The following SH3D19 variants were observed in gnomAD, a reference collection of about 807,000 sequenced individuals.
SH3D19 encodes the protein SH3 domain containing 19.
A neutral mutation model predicts 112.1 loss-of-function variants in SH3D19; 58 were observed. That is an observed-to-expected ratio of 0.52 (90% CI 0.42 to 0.64). The LOEUF is 0.64. Ranked by LOEUF, SH3D19 falls within the 30% of genes least tolerant of loss-of-function variation. The probability of loss-of-function intolerance (pLI) is 0.00; values close to 1 mark genes in which losing one functional copy is unlikely to be tolerated. For missense variants in SH3D19, 1,090 were observed against 1,263.4 expected, an observed-to-expected ratio of 0.86 and a Z score of 2.08; for synonymous variants, 391 against 448.5, an observed-to-expected ratio of 0.87 and a Z score of 1.62.
At position 151,174,947 on chromosome 4, in the gene SH3D19, G is replaced by A. The variant is rs1006746814; in HGVS notation, c.1257C>T (p.Ala419=). 1 of 1,613,944 alleles carries A rather than the reference G, an allele frequency of 6.2e-7. No homozygotes were observed. Among genetic ancestry groups the A allele is most frequent in the African/African-American group, 1.3e-5 (1 of 74,902 alleles). ...ATTTCTTCAGCAGCAAAGGCCGCGGGGCAGGAGTTGGCACTTTCTTCCCAC... is the reference window on the plus strand; with the variant it reads ...ATTTCTTCAGCAGCAAAGGCCGCGGAGCAGGAGTTGGCACTTTCTTCCCAC... ...SDSGKKVPTP[A]PRPLLLKKSV... is the part of the protein sequence containing the mutation. Residue 419 remains alanine, a synonymous_variant, in exon 7 of 20, where the codon GCC becomes GCT. Transcript: ENST00000604030.
intron 7 of SH3D19, among the ~76,000 whole-genome samples, chr4:151,174,358 A>G (rs1047981803): frequency 1.3e-5 from 2 of 152,164 alleles, no homozygotes; most frequent in African/African-American, 2.4e-5. Context: ...AACCTATTAT[A>G]GTTTAGCTCC....
At chr4:151,314,561 A>G (rs1342330515) in intron 1 of SH3D19, among the ~76,000 whole-genome samples, 1 of 152,354 alleles carries the variant, frequency 6.6e-6, no homozygotes, top group Middle Eastern at 3.4e-3. Context: ...GAATCTAGGT[A>G]TCTTATAACA....
intron 2 of SH3D19, among the ~76,000 whole-genome samples, chr4:151,220,859 T>C (rs747133331): frequency 2.0e-5 from 3 of 152,222 alleles, no homozygotes; most frequent in Non-Finnish European, 4.4e-5. Flanking sequence ...ATATTAACAC[T>C]TATTTCTTGA....
intron 1 of SH3D19, among the ~76,000 whole-genome samples, chr4:151,323,839 C>A (rs2126418224): frequency 6.6e-6 from 1 of 152,296 alleles, no homozygotes; most frequent in East Asian, 1.9e-4. Context: ...AGTCTGAACT[C>A]CAAAACAGGT....
intron 1 of SH3D19, among the ~76,000 whole-genome samples, chr4:151,258,351 G>A (rs1289742786): frequency 6.6e-6 from 1 of 152,170 alleles, no homozygotes; most frequent in Non-Finnish European, 1.5e-5. Context: ...CATTCTAGAG[G>A]CCAAGGACCT....
intron 2 of SH3D19, among the ~76,000 whole-genome samples, chr4:151,207,726 G>T (rs555313738): frequency 5.3e-5 from 8 of 152,158 alleles, no homozygotes; most frequent in African/African-American, 1.9e-4. Context: ...AGCAAATACC[G>T]CCTGGATCAA....
At chr4:151,234,766 T>TG (rs374882479) in intron 1 of SH3D19, among the ~76,000 whole-genome samples, 1,309 of 87,114 alleles carry the variant, frequency 0.015, 208 homozygotes, top group African/African-American at 0.059. Context: ...TTTTTTTTTT[T>TG]AGACAGGGGC....
At chr4:151,323,182 G>C (rs1338981946) in intron 1 of SH3D19, among the ~76,000 whole-genome samples, 1 of 152,152 alleles carries the variant, frequency 6.6e-6, no homozygotes, top group Non-Finnish European at 1.5e-5. Flanking sequence ...AGAGAAGGAA[G>C]AGTTCACAGA....
chr4:151,126,181 C>T (rs1006515365), intron 19 of SH3D19, among the ~76,000 whole-genome samples: 2 of 152,138 alleles, frequency 1.3e-5, no homozygotes, highest in Non-Finnish European at 2.9e-5. Flanking sequence ...GCCTTGACTT[C>T]CCAAAAGTGT....
intron 1 of SH3D19, among the ~76,000 whole-genome samples, chr4:151,232,370 T>C (rs1012919522): frequency 3.6e-5 from 2 of 54,812 alleles, no homozygotes; most frequent in Non-Finnish European, 7.6e-5. Context: ...CAAATAAATC[T>C]AGGCCTCAGA....
intron 1 of SH3D19, among the ~76,000 whole-genome samples, chr4:151,239,145 C>T (rs943455220): frequency 6.6e-6 from 1 of 152,174 alleles, no homozygotes; most frequent in Non-Finnish European, 1.5e-5. Context: ...TAATGCCCTC[C>T]ACCTCGACAT....
chr4:151,257,816 G>T (rs1772052494), intron 1 of SH3D19, among the ~76,000 whole-genome samples: 1 of 152,166 alleles, frequency 6.6e-6, no homozygotes, highest in South Asian at 2.1e-4. Context: ...GACTGAGGAG[G>T]GAGGATCGCT....
intron 1 of SH3D19, among the ~76,000 whole-genome samples, chr4:151,245,869 G>A (rs941879241): frequency 2.6e-5 from 4 of 152,150 alleles, no homozygotes; most frequent in Admixed American, 6.6e-5. Context: ...CCAAAGTGCT[G>A]GGATTTACAG....
At chr4:151,306,130 G>A (rs936844913) in intron 1 of SH3D19, among the ~76,000 whole-genome samples, 3 of 152,304 alleles carry the variant, frequency 2.0e-5, no homozygotes, top group Admixed American at 6.5e-5. Flanking sequence ...GTGGAAAGGC[G>A]TGCACAGGTC....
chr4:151,167,790 C>T (rs970363704), intron 7 of SH3D19, among the ~76,000 whole-genome samples: 1 of 150,424 alleles, frequency 6.6e-6, no homozygotes, highest in Admixed American at 6.6e-5. Flanking sequence ...AAGTGAGGAG[C>T]GCCTCTGCCT....
intron 18 of SH3D19, 71 bp from the exon 19 acceptor site, chr4:151,127,786 A>T: frequency 1.2e-6 from 1 of 825,180 alleles, no homozygotes; most frequent in Non-Finnish European, 1.8e-6. Context: ...CATTTTTTAA[A>T]AAAAAACGCT....
chr4:151,128,760 C>T (rs1320461155), intron 17 of SH3D19, among the ~76,000 whole-genome samples: 1 of 152,266 alleles, frequency 6.6e-6, no homozygotes, highest in South Asian at 2.1e-4. Context: ...CCCTCCTCAG[C>T]CTCCCGAGTA....
chr4:151,317,281 A>G (rs913303248), intron 1 of SH3D19, among the ~76,000 whole-genome samples: 8 of 152,196 alleles, frequency 5.3e-5, no homozygotes, highest in African/African-American at 1.9e-4. Context: ...CTCATCTCCT[A>G]ATATCATAAA....
intron 1 of SH3D19, among the ~76,000 whole-genome samples, chr4:151,279,434 T>C (rs1773970706): frequency 3.3e-5 from 5 of 152,204 alleles, no homozygotes; most frequent in Admixed American, 6.5e-5. Context: ...TTCCCACTAA[T>C]AGGTAGAAGG....
Sources: allele counts gnomAD v4.1 joint callset (sites outside exome capture counted in the v4.1 genomes callset), GRCh38; gene constraint gnomAD v4.1.1; transcripts MANE v1.5; gene names NCBI Gene and HGNC (gene_info 2026-07-23, HGNC 2026-07-21).